COG1: variants seen among roughly 807,000 people sequenced by gnomAD.
COG1 encodes the protein component of oligomeric golgi complex 1, also known as conserved oligomeric Golgi complex subunit 1.
In COG1, 61 loss-of-function variants were observed where a neutral mutation model predicts 102.2. The ratio of observed to expected loss-of-function variants is 0.60; its 90% confidence interval spans 0.49 to 0.74. The LOEUF (loss-of-function observed/expected upper bound fraction) is 0.74, where lower values mean the gene tolerates loss of function less well. Ranked by LOEUF, COG1 falls within the 30% of genes least tolerant of loss-of-function variation. The pLI, the probability that COG1 is intolerant of heterozygous loss-of-function variation, is 0.00. For synonymous variants in COG1, 454 were observed against 493.6 expected, an observed-to-expected ratio of 0.92 and a Z score of 1.06; for missense variants, 1,164 against 1,232.1, an observed-to-expected ratio of 0.94 and a Z score of 0.83.
At chr17:73,195,727 A>T (rs1186382973) in intron 1 of COG1, among the ~76,000 whole-genome samples, 1 of 152,208 alleles carries the variant, frequency 6.6e-6, no homozygotes, top group African/African-American at 2.4e-5. Flanking sequence ...AGCCTGGCCA[A>T]CATGGTAAAA....
At position 73,200,671 on chromosome 17, in the gene COG1, T is replaced by C. The variant is rs2061343243; in HGVS notation, c.1176T>C (p.Asn392=). 3 of 1,614,066 alleles carry C rather than the reference T, an allele frequency of 1.9e-6. No homozygotes were observed. In the African/African-American group the frequency reaches 4.0e-5, roughly 22 times the overall value. Reference sequence around the variant, plus strand: ...ACGCCATGTGGGAGTTACTTACCAATGAGTCCACCAATCACAGCTGGGATG... The same window carrying C: ...ACGCCATGTGGGAGTTACTTACCAACGAGTCCACCAATCACAGCTGGGATG... The part of the protein sequence containing the change: ...IRDAMWELLT[N]ESTNHSWDVL... The change falls in exon 6 of 14, where the codon AAT becomes AAC. Residue 392 remains asparagine, a synonymous_variant. Transcript: ENST00000299886.
At chr17:73,194,235 G>A (rs375075609) in intron 1 of COG1, among the ~76,000 whole-genome samples, 8 of 147,776 alleles carry the variant, frequency 5.4e-5, no homozygotes, top group East Asian at 4.1e-4. Context: ...GAGGTCAGGA[G>A]ATCCAGACCA....
rs2061329752 is a variant in COG1, at chr17:73,197,351, T to G, written c.868T>G (p.Leu290Val). ...GCCAGATCCAGCCCTGCCATGTGGCTTGCTCTTCTCTACTCTGGAGACCAT... is the reference window on the plus strand; with the variant it reads ...GCCAGATCCAGCCCTGCCATGTGGCGTGCTCTTCTCTACTCTGGAGACCAT... ...LLPDPALPCG[L>V]LFSTLETITG... The change falls in exon 4 of 14, where the codon TTG becomes GTG. Residue 290 changes from leucine (L) to valine (V), a missense_variant. Leu to Val is a conservative substitution (Grantham distance 32). Coordinates refer to ENST00000299886, the MANE Select transcript of COG1 (RefSeq NM_018714.3). 1.2e-6 allele frequency: 2 copies of G among 1,614,108 alleles called. No individual in the cohort carries two copies. Among genetic ancestry groups the G allele is most frequent in the African/African-American group, 2.7e-5 (2 of 74,944 alleles).
intron 13 of COG1, chr17:73,207,709 C>A: frequency 7.7e-7 from 1 of 1,292,154 alleles, no homozygotes; most frequent in African/African-American, 1.5e-5. Context: ...CAGTACGATG[C>A]CAACTGTTAA....
At chr17:73,200,540 G>A (rs772461569) in intron 5 of COG1, 26 bp from the exon 6 acceptor site, 25 of 1,594,556 alleles carry the variant, frequency 1.6e-5, no homozygotes, top group Non-Finnish European at 2.2e-5. Context: ...CTCTGATGGA[G>A]CCCAAAGAAC....
intron 8 of COG1, 114 bp downstream of exon 8, chr17:73,203,260 G>GT: frequency 7.3e-7 from 1 of 1,372,036 alleles, no homozygotes; most frequent in Non-Finnish European, 1.0e-6. Context: ...AGTAACATCT[G>GT]TAATTTTCTA....
At chr17:73,207,589 G>A in intron 13 of COG1, 1 of 860,620 alleles carries the variant, frequency 1.2e-6, no homozygotes, top group Non-Finnish European at 1.7e-6. Context: ...GAGAAAATCT[G>A]TTTTGTTCTG....
Position 73,206,252 on chromosome 17 carries a change from A to T in COG1, c.2609A>T (p.Gln870Leu), listed in dbSNP as rs936789733. ...AACAGCAACCTTCATCGCCTGGTGC[A>T]GCGAACTTCTGTGAGTCAAATCAAA... Reference protein sequence around the residue: ...HLNSNLHRLVQRTSVLFGLVT... With the variant: ...HLNSNLHRLVLRTSVLFGLVT... The change falls in exon 11 of 14, where the codon CAG (glutamine) becomes CTG (leucine). Residue 870 changes from glutamine (Q) to leucine (L), a missense_variant. By Grantham distance (113) the Gln-to-Leu change is moderately radical. Coordinates refer to ENST00000299886, the MANE Select transcript of COG1 (RefSeq NM_018714.3). 4 of 1,613,902 alleles carry T rather than the reference A, an allele frequency of 2.5e-6. No individual in the cohort carries two copies. In the East Asian group the frequency reaches 8.9e-5, roughly 36 times the overall value.
At chr17:73,197,503 A>T (rs1324032129) in intron 4 of COG1, 107 bp downstream of exon 4, 2 of 1,213,946 alleles carry the variant, frequency 1.6e-6, no homozygotes, top group African/African-American at 1.5e-5. Context: ...TGGAGCAGTG[A>T]ACTGGACAAA....
intron 5 of COG1, among the ~76,000 whole-genome samples, 171 bp from the exon 6 acceptor site, chr17:73,200,395 A>G (rs1599326231): frequency 6.6e-6 from 1 of 152,156 alleles, no homozygotes. Context: ...GCATGCCCCA[A>G]CCCAGCCAAA....
chr17:73,201,747 G>T lies in COG1; in HGVS notation c.1920G>T (p.Glu640Asp). ...TCCTGGGAAAATCAGAGAGCTCAGA[G>T]AAACCAGCAAGGGAGTTTAGGGCTC... The part of the protein sequence containing the change: ...QCILGKSESS[E>D]KPAREFRALR... The change falls in exon 7 of 14, where the codon GAG (glutamate) becomes GAT (aspartate). Residue 640 changes from glutamate (E) to aspartate (D), a missense_variant. Glu to Asp is a conservative substitution (Grantham distance 45, BLOSUM62 2). Transcript: ENST00000299886. 1 of 1,614,192 alleles carries T rather than the reference G, an allele frequency of 6.2e-7. No individual in the cohort carries two copies. The highest frequency in any genetic ancestry group is 1.1e-5 in the South Asian group (1 of 91,088).
intron 5 of COG1, 91 bp from the exon 6 acceptor site, chr17:73,200,475 G>C: frequency 1.9e-6 from 2 of 1,080,786 alleles, no homozygotes; most frequent in South Asian, 2.5e-5. Context: ...ACTCAGATAA[G>C]AGATTGTCAA....
chr17:73,201,027 G>C lies in COG1; in HGVS notation c.1282-82G>C. The C allele has an allele frequency of 3.8e-6, 5 of 1,304,140 alleles. No individual in the cohort carries two copies. In the South Asian group the frequency reaches 6.0e-5, roughly 16 times the overall value. The allele number at this position is 1,304,140 out of a possible 1,614,324, so 80.8% of individuals were successfully genotyped here. A position where few individuals can be genotyped will look rare whatever the true frequency, so the allele number is the denominator to read the frequency against. On this transcript the variant is annotated intron_variant, in intron 6 of 13. Coordinates refer to ENST00000299886, the MANE Select transcript of COG1 (RefSeq NM_018714.3). ...AAGATGGTGAACCTTCTGAATGCTA[G>C]GATAAATTACCATTTGGTACTTTTG...
At position 73,193,288 on chromosome 17, in the gene COG1, C is replaced by G. The variant is rs771901938; in HGVS notation, c.219C>G (p.Ala73=). The change falls in exon 1 of 14, where the codon GCC becomes GCG. Residue 73 remains alanine (A), a synonymous_variant. Coordinates refer to ENST00000299886, the MANE Select transcript of COG1 (RefSeq NM_018714.3). ...CCATCGGCCAGATGCGCCGCTGCGC[C>G]GTGGGGCTAGTGGACGCCGTGAAGG... ...ADTIGQMRRC[A]VGLVDAVKAT... 3.8e-6 allele frequency: 6 copies of G among 1,599,838 alleles called. 1 individual carries two copies. The South Asian group carries it at 6.7e-5, about 18-fold the overall frequency.
Position 73,201,839 on chromosome 17 carries a change from A to C in COG1, c.2012A>C (p.Lys671Thr). ...IPTQAKWQEV[K>T]EVLLQQSVMG... is the part of the protein sequence containing the mutation. ...ACACAGGCCAAGTGGCAAGAGGTTA[A>C]AGAAGTACTCCTCCAGCAGAGCGTG... Residue 671 changes from lysine (K) to threonine (T), a missense_variant, in exon 7 of 14, where the codon AAA (lysine) becomes ACA (threonine). Physicochemically the swap from Lys to Thr is moderately conservative, Grantham distance 78. Coordinates refer to ENST00000299886, the MANE Select transcript of COG1 (RefSeq NM_018714.3). 6.2e-7 allele frequency: 1 copy of C among 1,614,218 alleles called. No individual in the cohort carries two copies. Among genetic ancestry groups the C allele is most frequent in the Non-Finnish European group, 8.5e-7 (1 of 1,180,030 alleles).
rs1422513158 is a variant in COG1 at position 73,200,729 on chromosome 17, T to G, written c.1234T>G (p.Leu412Val). 4 of 1,614,028 alleles carry G rather than the reference T, an allele frequency of 2.5e-6. No individual in the cohort carries two copies. The highest frequency in any genetic ancestry group is 3.4e-6 in the Non-Finnish European group (4 of 1,179,944). The change falls in exon 6 of 14, where the codon TTG (leucine) becomes GTG (valine). Residue 412 changes from leucine (L) to valine (V), a missense_variant. Transcript: ENST00000299886. ...TCGGCGGCTTCTGGAGAAGCCGCTCTTGTTCTGGGAAGATATGATGCAGCA... is the reference window on the plus strand; with the variant it reads ...TCGGCGGCTTCTGGAGAAGCCGCTCGTGTTCTGGGAAGATATGATGCAGCA... ...LCRRLLEKPL[L>V]FWEDMMQQLF...
chr17:73,208,099 C>A, intron 13 of COG1: 1 of 1,446,274 alleles, frequency 6.9e-7, no homozygotes, highest in Non-Finnish European at 9.1e-7. Flanking sequence ...CCAAGACAGT[C>A]CTCATTTCCA....
chr17:73,196,786 G>A, intron 2 of COG1, 35 bp downstream of exon 2: 1 of 1,614,098 alleles, frequency 6.2e-7, no homozygotes, highest in Non-Finnish European at 8.5e-7. Flanking sequence ...TGCTCTGGTG[G>A]TGGCCAGGCT....
rs1404207190 is a variant in COG1, at chr17:73,205,716, C to T, written c.2510+36C>T. The T allele has an allele frequency of 5.6e-6, 9 of 1,612,288 alleles. No homozygotes were observed. The East Asian group carries it at 2.0e-4, about 36-fold the overall frequency. ...CTCTAGGGAGCTATGTCAAGGCGGT[C>T]TCTTCCAAAAGCAAATAGTCCCTTT... On this transcript the variant is annotated intron_variant, in intron 10 of 13. Transcript: ENST00000299886.
Sources: gnomAD v4.1 joint callset for allele counts (sites outside exome capture counted in the v4.1 genomes callset) on GRCh38, gnomAD v4.1.1 for gene constraint, MANE v1.5 for transcripts, NCBI Gene and HGNC (gene_info 2026-07-23, HGNC 2026-07-21) for gene names.